Variants in PRKDC observed in about 807,000 individuals in gnomAD.
PRKDC encodes DNA-dependent protein kinase catalytic subunit.
Under a neutral mutation model 486.9 loss-of-function variants are expected in PRKDC, and 82 were observed. The ratio of observed to expected loss-of-function variants is 0.17; its 90% confidence interval spans 0.14 to 0.20. The LOEUF (loss-of-function observed/expected upper bound fraction) is 0.20, where lower values mean the gene tolerates loss of function less well. Among genes scored for constraint, PRKDC ranks in the 10% least tolerant of loss-of-function variants. The pLI is 1.00. For missense variants in PRKDC, 4,504 were observed against 5,038.2 expected (o/e 0.89, Z 3.21); for synonymous variants, 1,895 against 1,837.0 (o/e 1.03, Z -0.81).
chr8:47,816,282 A>G (rs980772429), intron 68 of PRKDC, among the ~76,000 whole-genome samples: 4 of 152,196 alleles, frequency 2.6e-5, no homozygotes, highest in Non-Finnish European at 4.4e-5. Flanking sequence ...CCTGAGAAGT[A>G]TTCTGGCCAG....
chr8:47,785,801 G>A (rs1349231735), intron 76 of PRKDC, among the ~76,000 whole-genome samples: 1 of 151,570 alleles, frequency 6.6e-6, no homozygotes, highest in African/African-American at 2.4e-5. Flanking sequence ...CATCCAGTCT[G>A]CCTTTTGTTT....
At chr8:47,839,294 G>T in intron 55 of PRKDC, 48 bp from the exon 56 acceptor site, 1 of 1,367,448 alleles carries the variant, frequency 7.3e-7, no homozygotes, top group Non-Finnish European at 1.0e-6. Flanking sequence ...CTCTCTTCTG[G>T]CCCTTTTGTT....
At chr8:47,819,683 A>C (rs1589718828) in intron 66 of PRKDC, among the ~76,000 whole-genome samples, 173 bp from the exon 67 acceptor site, 1 of 152,312 alleles carries the variant, frequency 6.6e-6, no homozygotes, top group Admixed American at 6.5e-5. Flanking sequence ...AAATAGTTTA[A>C]ATTTTAAAAA....
In PRKDC at chr8:47,824,762, A is replaced by G. The variant is rs1159768361; in HGVS notation, c.8784-766T>C. ...CTTGACCCTTTCAATCAAGCTTCCC[A>G]GTCCATGATATTCTCAAAGTGTTTA... On this transcript the variant is annotated intron_variant, in intron 63 of 85. Coordinates refer to ENST00000314191, the MANE Select transcript of PRKDC (RefSeq NM_006904.7). 2.0e-5 allele frequency among the ~76,000 whole-genome samples: 3 copies of G among 152,170 alleles called. No individual in the cohort carries two copies. In the East Asian group the frequency reaches 5.8e-4, roughly 29 times the overall value.
chr8:47,939,774 C>A lies in PRKDC; in HGVS notation c.967-77G>T, dbSNP rs1009197964. 2.5e-6 allele frequency: 3 copies of A among 1,216,776 alleles called. No homozygotes were observed. In the African/African-American group the frequency reaches 4.6e-5, roughly 19 times the overall value. 75.4% of individuals were successfully genotyped at this position (1,216,776 alleles called of 1,614,324 possible). A position where few individuals can be genotyped will look rare whatever the true frequency, so the allele number is the denominator to read the frequency against. On this transcript the variant is annotated intron_variant, in intron 10 of 85. Coordinates refer to ENST00000314191, the MANE Select transcript of PRKDC (RefSeq NM_006904.7). ...CTATACAAACATGGAAAAACTAGAA[C>A]TGTTTAGATGCTACTAATGTACTGT...
In PRKDC at chr8:47,849,257, A is replaced by G; in HGVS notation, c.7177T>C (p.Leu2393=). Reference sequence around the variant, plus strand: ...ACCACCTCCAGACAGAGTGTTTTCAACACTCCATGAAATTTTGGCAGCAGA... The same window carrying G: ...ACCACCTCCAGACAGAGTGTTTTCAGCACTCCATGAAATTTTGGCAGCAGA... The part of the protein sequence containing the change: ...FFLLPKFHGV[L]KTLCLEVVLC... Residue 2393 remains leucine (L), a synonymous_variant, in exon 54 of 86, where the codon TTG becomes CTG. Coordinates refer to ENST00000314191, the MANE Select transcript of PRKDC (RefSeq NM_006904.7). 6.2e-7 allele frequency: 1 copy of G among 1,613,958 alleles called. No individual in the cohort carries two copies. The highest frequency in any genetic ancestry group is 8.5e-7 in the Non-Finnish European group (1 of 1,179,888).
chr8:47,912,303 T>C, intron 25 of PRKDC, 107 bp downstream of exon 25: 1 of 1,262,976 alleles, frequency 7.9e-7, no homozygotes, highest in East Asian at 2.7e-5. Flanking sequence ...CAGGGAGCAG[T>C]ATCGTTCCTA....
At chr8:47,900,321 G>T in intron 28 of PRKDC, 52 bp downstream of exon 28, 1 of 1,334,322 alleles carries the variant, frequency 7.5e-7, no homozygotes, top group Non-Finnish European at 1.0e-6. Flanking sequence ...ACTCCTCATT[G>T]GGGAAACTCT....
At chr8:47,927,729 C>A in intron 20 of PRKDC, 42 bp downstream of exon 20, 1 of 1,459,796 alleles carries the variant, frequency 6.9e-7, no homozygotes, top group Middle Eastern at 1.8e-4. Flanking sequence ...CTGGGACTCA[C>A]AACAGCGATG....
chr8:47,814,513 T>C (rs759831630), intron 68 of PRKDC, among the ~76,000 whole-genome samples: 2 of 152,080 alleles, frequency 1.3e-5, no homozygotes, highest in African/African-American at 4.8e-5. Flanking sequence ...AAAGTTAATA[T>C]ATAAAAAGCA....
intron 9 of PRKDC, 41 bp from the exon 10 acceptor site, chr8:47,943,407 T>G: frequency 6.4e-7 from 1 of 1,552,692 alleles, no homozygotes; most frequent in South Asian, 1.2e-5. Context: ...TCAGACGACA[T>G]AACACAGAAC....
chr8:47,859,788 T>C (rs775349349), intron 45 of PRKDC, 29 bp from the exon 46 acceptor site: 6 of 1,575,172 alleles, frequency 3.8e-6, no homozygotes, highest in African/African-American at 2.7e-5. Context: ...GAAAATTACA[T>C]GTATTCAAAC....
Position 47,782,955 on chromosome 8 carries a change from G to A in PRKDC, c.11176-357C>T. On this transcript the variant is annotated intron_variant, in intron 78 of 85. Transcript: ENST00000314191. The surrounding 1 kb of genome is among the most constrained non-coding windows in gnomAD (Gnocchi z 4.9). ...AGTTTATGATATCTTAAATAGAACT[G>A]TTGTTCAAACACTGGAGACATAATA... The A allele has an allele frequency of 3.8e-6, 1 of 262,122 alleles. No homozygotes were observed. 16.2% of individuals were successfully genotyped at this position (262,122 alleles called of 1,614,324 possible). A position where few individuals can be genotyped will look rare whatever the true frequency, so the allele number is the denominator to read the frequency against.
At chr8:47,812,568 C>T (rs762022174) in intron 68 of PRKDC, among the ~76,000 whole-genome samples, 2 of 152,168 alleles carry the variant, frequency 1.3e-5, no homozygotes, top group Middle Eastern at 3.4e-3. Flanking sequence ...GAATGACATA[C>T]CAAAATGTGC....
rs184848039 is a variant in PRKDC at position 47,834,092 on chromosome 8, G to C, written c.8152+104C>G. ...ACTGAATTTTAAAGGGCTTGATTACGAATGAGAAGGAAACATGGATACAGT... is the reference window on the plus strand; with the variant it reads ...ACTGAATTTTAAAGGGCTTGATTACCAATGAGAAGGAAACATGGATACAGT... On this transcript the variant is annotated intron_variant, in intron 59 of 85. Transcript: ENST00000314191. The C allele has an allele frequency of 2.1e-4, 301 of 1,411,250 alleles. 1 individual carries two copies. The East Asian group carries it at 5.0e-3, about 24-fold the overall frequency. The allele number at this position is 1,411,250 out of a possible 1,614,324, so 87.4% of individuals were successfully genotyped here.
chr8:47,955,343 TC>T (rs2090684019), intron 4 of PRKDC, among the ~76,000 whole-genome samples: 1 of 145,984 alleles, frequency 6.9e-6, no homozygotes, highest in Non-Finnish European at 1.5e-5. Context: ...GCGCCTGTAG[TC>T]CCAGCTACTT....
chr8:47,912,449 C>T lies in PRKDC; in HGVS notation c.2895G>A (p.Thr965=), dbSNP rs1563800123. Residue 965 remains threonine (T), a synonymous_variant, in exon 25 of 86, where the codon ACG becomes ACA. Coordinates refer to ENST00000314191, the MANE Select transcript of PRKDC (RefSeq NM_006904.7). The stretch of plus-strand genomic sequence containing the variant: ...ACGCAAGTCGAAGCAGCACAGGAAA[C>T]GTCCGCTTATAGAGCTGGTACATGG... ...APPMYQLYKR[T]FPVLLRLACD... 8.7e-6 allele frequency: 14 copies of T among 1,608,420 alleles called. No individual in the cohort carries two copies. Among genetic ancestry groups the T allele is most frequent in the South Asian group, 3.3e-5 (3 of 90,130 alleles).
chr8:47,871,281 G>A (rs904688614), intron 40 of PRKDC, among the ~76,000 whole-genome samples: 52 of 152,218 alleles, frequency 3.4e-4, no homozygotes, highest in African/African-American at 1.3e-3. Context: ...CTACCTCAAG[G>A]CATTTAACAA....
chr8:47,860,540 C>T (rs1589749044), intron 45 of PRKDC, among the ~76,000 whole-genome samples: 1 of 152,292 alleles, frequency 6.6e-6, no homozygotes, highest in African/African-American at 2.4e-5. Flanking sequence ...CTCGAAAGGA[C>T]TTGTATTCTA....
Sources: gnomAD v4.1 joint callset for allele counts (sites outside exome capture counted in the v4.1 genomes callset) on GRCh38, gnomAD v4.1.1 for gene constraint, Gnocchi (gnomAD v3.1) non-coding constraint, MANE v1.5 for transcripts, NCBI Gene and HGNC (gene_info 2026-07-23, HGNC 2026-07-21) for gene names.